DAB1: variants seen among roughly 807,000 people sequenced by gnomAD.
DAB1 encodes the protein DAB adaptor protein 1.
DAB1 carries 15 observed loss-of-function variants against 64.6 expected under a neutral mutation model. The ratio of observed to expected loss-of-function variants is 0.23; its 90% confidence interval spans 0.16 to 0.36. The LOEUF is 0.36. Among genes scored for constraint, DAB1 ranks in the 10% least tolerant of loss-of-function variants. DAB1 has a pLI of 1.00. For missense variants in DAB1, 596 were observed against 706.7 expected (o/e 0.84, Z 1.78); for synonymous variants, 235 against 251.9 (o/e 0.93, Z 0.64).
chr1:58,501,356 A>T (rs1359013585), intron 3 of DAB1, among the ~76,000 whole-genome samples: 2 of 152,216 alleles, frequency 1.3e-5, no homozygotes, highest in African/African-American at 2.4e-5. Context: ...AAATTATATT[A>T]TGGTACTGTT....
intron 1 of DAB1, among the ~76,000 whole-genome samples, chr1:57,400,113 A>G (rs893880521): frequency 2.6e-5 from 4 of 152,152 alleles, no homozygotes; most frequent in African/African-American, 7.2e-5. Flanking sequence ...TAATATCACT[A>G]CTACTTGGCA....
chr1:57,421,306 A>T lies in DAB1; in HGVS notation c.-137+2624T>A, dbSNP rs767879607. 7.9e-5 allele frequency among the ~76,000 whole-genome samples: 12 copies of T among 152,234 alleles called. No homozygotes were observed. The East Asian group carries it at 1.9e-3, about 24-fold the overall frequency. On this transcript the variant is annotated intron_variant, in intron 1 of 14. Coordinates refer to ENST00000371236, the MANE Select transcript of DAB1 (RefSeq NM_001365792.1). The stretch of plus-strand genomic sequence containing the variant: ...AACAGCTTGTGAGATGAGCTTCATC[A>T]ACAATAAGTAATTTTTATTCAGATT...
intron 6 of DAB1, among the ~76,000 whole-genome samples, chr1:57,804,176 G>A (rs1651257469): frequency 6.6e-6 from 1 of 152,222 alleles, no homozygotes; most frequent in Non-Finnish European, 1.5e-5. Context: ...CAAAATGGGG[G>A]CACAGGGCTG....
intron 2 of DAB1, among the ~76,000 whole-genome samples, chr1:57,153,535 C>G (rs1280512233): frequency 1.3e-5 from 2 of 152,116 alleles, no homozygotes; most frequent in African/African-American, 4.8e-5. Context: ...AACTAACAAT[C>G]ATAATGAGAC....
At chr1:57,401,983 T>C (rs1467392661) in intron 1 of DAB1, among the ~76,000 whole-genome samples, 2 of 152,156 alleles carry the variant, frequency 1.3e-5, no homozygotes, top group Admixed American at 1.3e-4. Flanking sequence ...GTTCATGACA[T>C]TGCATAATGA....
At chr1:58,193,160 T>C (rs996608288) in intron 4 of DAB1, among the ~76,000 whole-genome samples, 3 of 152,160 alleles carry the variant, frequency 2.0e-5, no homozygotes, top group Non-Finnish European at 4.4e-5. Flanking sequence ...AGTAGATTAG[T>C]GCCCTCCCTG....
chr1:57,426,394 A>G (rs1685286916), upstream of DAB1, among the ~76,000 whole-genome samples: 1 of 152,232 alleles, frequency 6.6e-6, no homozygotes, highest in South Asian at 2.1e-4. Flanking sequence ...GATACCCACC[A>G]ATGATCTTTC....
At chr1:57,897,019 CA>C (rs1473090570) in intron 5 of DAB1, among the ~76,000 whole-genome samples, 1 of 151,992 alleles carries the variant, frequency 6.6e-6, no homozygotes, top group African/African-American at 2.4e-5. Flanking sequence ...TAATGACTTA[CA>C]AAAACAACAA....
At chr1:57,533,458 T>C (rs1233479937) in intron 7 of DAB1, among the ~76,000 whole-genome samples, 1 of 151,120 alleles carries the variant, frequency 6.6e-6, no homozygotes, top group Non-Finnish European at 1.5e-5. Flanking sequence ...TACAGTAAAA[T>C]AGTGATAAAA....
At chr1:57,184,353 G>A (rs549418318) in intron 2 of DAB1, among the ~76,000 whole-genome samples, 3 of 152,234 alleles carry the variant, frequency 2.0e-5, no homozygotes, top group Non-Finnish European at 4.4e-5. Flanking sequence ...TAGTGGTTAC[G>A]CTGCATCCGT....
chr1:57,118,887 A>T (rs1656387738), intron 4 of DAB1, among the ~76,000 whole-genome samples: 1 of 152,212 alleles, frequency 6.6e-6, no homozygotes, highest in Non-Finnish European at 1.5e-5. Flanking sequence ...GCTTGAGATA[A>T]CATGGCTAGA....
At chr1:57,753,960 A>G (rs1472401056) in intron 6 of DAB1, among the ~76,000 whole-genome samples, 1 of 152,240 alleles carries the variant, frequency 6.6e-6, no homozygotes, top group Non-Finnish European at 1.5e-5. Context: ...ACAATCACCC[A>G]TACAGAGTCT....
intron 3 of DAB1, among the ~76,000 whole-genome samples, chr1:58,486,179 G>C (rs145727334): frequency 6.6e-6 from 1 of 152,312 alleles, no homozygotes; most frequent in African/African-American, 2.4e-5. Flanking sequence ...ATGCCAAAGA[G>C]AGGGGGACAA....
At chr1:57,696,303 T>C (rs1032909633) in intron 6 of DAB1, among the ~76,000 whole-genome samples, 2 of 152,106 alleles carry the variant, frequency 1.3e-5, no homozygotes, top group African/African-American at 4.8e-5. Context: ...AGGAGTTTTG[T>C]CAAGGACTGC....
chr1:57,020,246 T>C (rs1238178190), intron 11 of DAB1, among the ~76,000 whole-genome samples: 1 of 152,228 alleles, frequency 6.6e-6, no homozygotes, highest in African/African-American at 2.4e-5. Flanking sequence ...AAAGATTTGA[T>C]GCAGCTACAC....
At chr1:57,988,727 A>G (rs1351063972) in intron 5 of DAB1, among the ~76,000 whole-genome samples, 1 of 152,064 alleles carries the variant, frequency 6.6e-6, no homozygotes. Flanking sequence ...GGATTGAGAG[A>G]GAGGGGTGGG....
chr1:58,473,979 C>A (rs79844106), intron 3 of DAB1: 21 of 1,264,496 alleles, frequency 1.7e-5, no homozygotes, highest in Non-Finnish European at 2.2e-5. Context: ...CTGTCACATG[C>A]ACGTAAATAT....
At chr1:58,254,565 C>T (rs1186829218) in intron 4 of DAB1, among the ~76,000 whole-genome samples, 1 of 93,050 alleles carries the variant, frequency 1.1e-5, no homozygotes, top group African/African-American at 4.7e-5. Context: ...CACCACAGTC[C>T]CCAGAGTGTG....
At chr1:58,381,293 C>T (rs1053784318) in intron 3 of DAB1, among the ~76,000 whole-genome samples, 4 of 151,594 alleles carry the variant, frequency 2.6e-5, no homozygotes, top group African/African-American at 7.3e-5. Flanking sequence ...CATGTATCCC[C>T]GAACTTAAAA....
Sources: allele counts gnomAD v4.1 joint callset (sites outside exome capture counted in the v4.1 genomes callset), GRCh38; gene constraint gnomAD v4.1.1; transcripts MANE v1.5; gene names NCBI Gene and HGNC (gene_info 2026-07-23, HGNC 2026-07-21).